Variants in SPATA21 observed in about 807,000 individuals in gnomAD.
The protein encoded by SPATA21 is spermatogenesis-associated protein 21.
A neutral mutation model predicts 54.8 loss-of-function variants in SPATA21; 47 were observed. The ratio of observed to expected loss-of-function variants is 0.86; its 90% CI spans 0.68 to 1.09. SPATA21 has a LOEUF of 1.09. SPATA21 is among the 50% of genes least tolerant of loss of function. The pLI is 0.00. For synonymous variants in SPATA21, 245 were observed against 235.3 expected (o/e 1.04, Z -0.38); for missense variants, 599 against 596.4 (o/e 1.00, Z -0.05).
At chr1:16,423,170 A>G (rs2086218625) in intron 3 of SPATA21, among the ~76,000 whole-genome samples, 2 of 148,346 alleles carry the variant, frequency 1.3e-5, no homozygotes, top group Non-Finnish European at 3.0e-5. Flanking sequence ...AAAAAAAATA[A>G]TAAAGGCCTA....
chr1:16,427,760 G>A, intron 3 of SPATA21: 1 of 1,288,062 alleles, frequency 7.8e-7, no homozygotes, highest in Non-Finnish European at 1.0e-6. Flanking sequence ...GTCGTGGGTG[G>A]AGCTGCCTTG....
chr1:16,398,785 C>G lies in SPATA21; in HGVS notation c.1390G>C (p.Val464Leu), dbSNP rs775285641. Residue 464 changes from valine (V) to leucine (L), a missense_variant, in exon 13 of 13, where the codon GTG becomes CTG. Coordinates refer to ENST00000335496, the MANE Select transcript of SPATA21 (RefSeq NM_198546.1). Reference sequence around the variant, plus strand: ...GAGGGTCAGTGGGTTCGAGCTGGCACAGAGCTGAGCCACTTTCTGCTGTCA... The same window carrying G: ...GAGGGTCAGTGGGTTCGAGCTGGCAGAGAGCTGAGCCACTTTCTGCTGTCA... ...NSDSRKWLSSVPARTH is the reference protein window; with the variant it reads ...NSDSRKWLSSLPARTH 4 of 1,613,826 alleles carry G rather than the reference C, an allele frequency of 2.5e-6. No homozygotes were observed. The highest frequency in any genetic ancestry group is 3.4e-6 in the Non-Finnish European group (4 of 1,179,800).
rs1325952685 is a variant in SPATA21 at position 16,405,499 on chromosome 1, A to AG, written c.674-396_674-395insC. 2.0e-5 allele frequency among the ~76,000 whole-genome samples: 3 copies of AG among 147,254 alleles called. No individual in the cohort carries two copies. The East Asian group carries it at 5.8e-4, about 29-fold the overall frequency. The stretch of plus-strand genomic sequence containing the variant: ...CTCTAATAAAAATAAAAATGAAAAA[A>AG]AAAAAAAAAAAAAAAACTGGGCATG... On this transcript the variant is annotated intron_variant, in intron 7 of 12. Coordinates refer to ENST00000335496, the MANE Select transcript of SPATA21 (RefSeq NM_198546.1).
intron 3 of SPATA21, among the ~76,000 whole-genome samples, chr1:16,424,250 T>A (rs1378785965): frequency 3.9e-4 from 2 of 5,138 alleles, no homozygotes; most frequent in African/African-American, 8.5e-4. Context: ...GAGGCAGAGC[T>A]TGCAGTGAGC....
Position 16,409,732 on chromosome 1 carries a change from G to T in SPATA21, c.456C>A (p.Ala152=), listed in dbSNP as rs757798301. ...AGGTGGGGACCGGGGCTCCCATGGG[G>T]GCAGGTTCTGGCCCAGGAGCTGGCA... The part of the protein sequence containing the change: ...ARLPAPGPEP[A]PMGAPVPTSM... The change falls in exon 6 of 13, where the codon GCC becomes GCA. Residue 152 remains alanine, a synonymous_variant. Transcript: ENST00000335496. The surrounding 1 kb of genome is among the most constrained non-coding windows in gnomAD (Gnocchi z 4.1). 3.1e-6 allele frequency: 5 copies of T among 1,611,542 alleles called. No homozygotes were observed. The highest frequency in any genetic ancestry group is 1.1e-5 in the South Asian group (1 of 90,778).
rs753414699 is a variant in SPATA21 at position 16,409,639 on chromosome 1, G to A, written c.549C>T (p.His183=). 1 of 1,613,054 alleles carries A rather than the reference G, an allele frequency of 6.2e-7. No individual in the cohort carries two copies. The change falls in exon 6 of 13, where the codon CAC becomes CAT. Residue 183 remains histidine, a synonymous_variant. Transcript: ENST00000335496. The surrounding 1 kb of genome is among the most constrained non-coding windows in gnomAD (Gnocchi z 4.1). Reference sequence around the variant, plus strand: ...AGCTCAGGGTTCTCTCGCTGCTCTGGTGCAAGAGTTCCATCCTTCTCCAGC... The same window carrying A: ...AGCTCAGGGTTCTCTCGCTGCTCTGATGCAAGAGTTCCATCCTTCTCCAGC... The part of the protein sequence containing the change: ...DLGWRRMELL[H]QSSERTLSYA...
At position 16,400,378 on chromosome 1, in the gene SPATA21, G is replaced by A. The variant is rs561322984; in HGVS notation, c.1174+342C>T. ...ACATGATTATGAGTATTAAATTCTA[G>A]AGCATCTGCAAAGGGCCTAGCACAG... On this transcript the variant is annotated intron_variant, in intron 11 of 12. Transcript: ENST00000335496. 16 of 900,550 alleles carry A rather than the reference G, an allele frequency of 1.8e-5. No individual in the cohort carries two copies. The East Asian group carries it at 1.5e-3, about 83-fold the overall frequency. The allele number at this position is 900,550 out of a possible 1,614,324, so 55.8% of individuals were successfully genotyped here. A position where few individuals can be genotyped will look rare whatever the true frequency, so the allele number is the denominator to read the frequency against.
At chr1:16,430,368 G>A (rs1305675281) in intron 3 of SPATA21, among the ~76,000 whole-genome samples, 1 of 152,176 alleles carries the variant, frequency 6.6e-6, no homozygotes. Context: ...GGGAGTTCGA[G>A]GCTGCAGTGA....
Position 16,409,340 on chromosome 1 carries a change from G to A in SPATA21, c.588-137C>T. On this transcript the variant is annotated intron_variant, in intron 6 of 12. Coordinates refer to ENST00000335496, the MANE Select transcript of SPATA21 (RefSeq NM_198546.1). This position sits in a 1 kb window ranked among gnomAD's most constrained non-coding sequence, Gnocchi z 4.1. Reference sequence around the variant, plus strand: ...GAGCCCGGAGAGATCAAGAATGGCAGGAAAAAGGAGATCCAGAGGAGAAGT... The same window carrying A: ...GAGCCCGGAGAGATCAAGAATGGCAAGAAAAAGGAGATCCAGAGGAGAAGT... 1 of 945,582 alleles carries A rather than the reference G, an allele frequency of 1.1e-6. No individual in the cohort carries two copies. Among genetic ancestry groups the A allele is most frequent in the Non-Finnish European group, 1.6e-6 (1 of 630,778 alleles). The allele number at this position is 945,582 out of a possible 1,614,324, so 58.6% of individuals were successfully genotyped here.
At chr1:16,426,557 CTATATA>C (rs778670029) in intron 3 of SPATA21, among the ~76,000 whole-genome samples, 6 of 85,804 alleles carry the variant, frequency 7.0e-5, no homozygotes, top group African/African-American at 2.1e-4. Context: ...TGGTGCCCGG[CTATATA>C]TATATATATA....
At position 16,428,619 on chromosome 1, in the gene SPATA21, G is replaced by A. The variant is rs1283274216; in HGVS notation, c.34+2719C>T. Among the ~76,000 whole-genome samples the A allele has an allele frequency of 2.0e-5, 3 of 150,698 alleles. No homozygotes were observed. Among genetic ancestry groups the A allele is most frequent in the South Asian group, 2.1e-4 (1 of 4,782 alleles). ...TCGAACTTCTGACCTCAAGTGATCC[G>A]TCTGCCTCAGCCTCCCAAAGTGCTG... On this transcript the variant is annotated intron_variant, in intron 3 of 12. Coordinates refer to ENST00000335496, the MANE Select transcript of SPATA21 (RefSeq NM_198546.1). This position sits in a 1 kb window ranked among gnomAD's most constrained non-coding sequence, Gnocchi z 4.3.
At chr1:16,399,604 C>T (rs143697356) in intron 11 of SPATA21, 83 bp from the exon 12 acceptor site, 29 of 1,462,764 alleles carry the variant, frequency 2.0e-5, no homozygotes, top group African/African-American at 1.7e-4. Context: ...GAAATCCTGG[C>T]GTTGCTACAT....
At chr1:16,414,910 A>AAAAAAT (rs2085955808) in intron 5 of SPATA21, among the ~76,000 whole-genome samples, 1 of 151,350 alleles carries the variant, frequency 6.6e-6, no homozygotes, top group Non-Finnish European at 1.5e-5. Flanking sequence ...AAAAAAAAAA[A>AAAAAAT]AAGATTCTAG....
Position 16,421,873 on chromosome 1 carries a change from T to C in SPATA21, c.95+38A>G. ...CCTGAAACTCAGCAGAAGAGCATCCTTGTTGGGGGCAGGGGATGGCACTGG... is the reference window on the plus strand; with the variant it reads ...CCTGAAACTCAGCAGAAGAGCATCCCTGTTGGGGGCAGGGGATGGCACTGG... On this transcript the variant is annotated intron_variant, in intron 4 of 12. Coordinates refer to ENST00000335496, the MANE Select transcript of SPATA21 (RefSeq NM_198546.1). This position sits in a 1 kb window ranked among gnomAD's most constrained non-coding sequence, Gnocchi z 5.2. The C allele has an allele frequency of 6.2e-7, 1 of 1,614,030 alleles. No homozygotes were observed. Among genetic ancestry groups the C allele is most frequent in the Non-Finnish European group, 8.5e-7 (1 of 1,179,922 alleles).
intron 3 of SPATA21, chr1:16,422,298 G>A: frequency 9.1e-7 from 1 of 1,104,962 alleles, no homozygotes; most frequent in South Asian, 2.0e-5. Flanking sequence ...CACTTACTAG[G>A]GTCCCAGCAC....
intron 3 of SPATA21, among the ~76,000 whole-genome samples, chr1:16,429,888 G>A (rs1189611949): frequency 2.0e-5 from 3 of 151,278 alleles, no homozygotes; most frequent in African/African-American, 7.3e-5. Flanking sequence ...AGGCCAGTGG[G>A]GCGCAGTGGC....
At chr1:16,405,493 G>GAAAA (rs538611012) in intron 7 of SPATA21, among the ~76,000 whole-genome samples, 8 of 81,316 alleles carry the variant, frequency 9.8e-5, no homozygotes, top group African/African-American at 4.3e-4. Context: ...AAATAAAAAT[G>GAAAA]AAAAAAAAAA....
Position 16,399,506 on chromosome 1 carries a change from C to T in SPATA21, c.1190G>A (p.Ser397Asn), listed in dbSNP as rs1422481710. 4 of 1,613,420 alleles carry T rather than the reference C, an allele frequency of 2.5e-6. No homozygotes were observed. Among genetic ancestry groups the T allele is most frequent in the African/African-American group, 2.7e-5 (2 of 74,916 alleles). ...GATGCAGGGCACCTGGGCATAGGGG[C>T]TCTGCAGGTTGGGAGCTGGTGAAGA... ...KQQNYAPNLQ[S>N]PYAQVPCILL... Residue 397 changes from serine to asparagine, a missense_variant, in exon 12 of 13, where the codon AGC (serine) becomes AAC (asparagine). Coordinates refer to ENST00000335496, the MANE Select transcript of SPATA21 (RefSeq NM_198546.1).
intron 3 of SPATA21, among the ~76,000 whole-genome samples, chr1:16,430,420 G>C (rs148820750): frequency 6.6e-6 from 1 of 152,302 alleles, no homozygotes; most frequent in African/African-American, 2.4e-5. Context: ...GTGAGAGAGT[G>C]AGAGCCTGTC....
Sources: allele counts gnomAD v4.1 joint callset (sites outside exome capture counted in the v4.1 genomes callset), GRCh38; gene constraint gnomAD v4.1.1; non-coding constraint Gnocchi (gnomAD v3.1); transcripts MANE v1.5; gene names NCBI Gene and HGNC (gene_info 2026-07-23, HGNC 2026-07-21).